SF3A3: variants seen among roughly 807,000 people sequenced by gnomAD.
The protein encoded by SF3A3 is SAP 61.
SF3A3 carries 9 observed loss-of-function variants against 85.8 expected under a neutral mutation model. That is an observed-to-expected ratio of 0.10 (90% CI 0.06 to 0.18). The LOEUF (loss-of-function observed/expected upper bound fraction) is 0.18, where lower values mean the gene tolerates loss of function less well. SF3A3 is among the 10% of genes least tolerant of loss of function. SF3A3 has a pLI of 1.00. For synonymous variants in SF3A3, 195 were observed against 204.4 expected (o/e 0.95, Z 0.39); for missense variants, 306 against 593.3 (o/e 0.52, Z 5.03).
intron 15 of SF3A3, among the ~76,000 whole-genome samples, chr1:37,963,726 T>G (rs1272420048): frequency 6.6e-6 from 1 of 151,268 alleles, no homozygotes; most frequent in African/African-American, 2.4e-5. Context: ...CCGACTAATT[T>G]TTTGTATTTT....
chr1:37,979,903 C>A (rs918877482), intron 8 of SF3A3, among the ~76,000 whole-genome samples: 18 of 152,150 alleles, frequency 1.2e-4, no homozygotes, highest in Middle Eastern at 3.4e-3. Context: ...AACAAAAAAA[C>A]CCCACCAGGT....
chr1:37,971,016 G>A (rs1646341407), intron 12 of SF3A3, among the ~76,000 whole-genome samples: 1 of 151,450 alleles, frequency 6.6e-6, no homozygotes. Context: ...CAGAGGAGAA[G>A]TGAAGGAGAC....
rs141181040 is a variant in SF3A3 at position 37,959,890 on chromosome 1, G to A, written c.1428+230C>T. Among the ~76,000 whole-genome samples the A allele has an allele frequency of 2.2e-3, 334 of 151,200 alleles. 1 individual carries two copies. Among genetic ancestry groups the A allele is most frequent in the African/African-American group, 7.6e-3 (313 of 41,134 alleles). On this transcript the variant is annotated intron_variant, in intron 16 of 16. Transcript: ENST00000373019. Reference sequence around the variant, plus strand: ...GGAGAATTGCTGGAACCCAGGAGGCGGAAGTTGCAGTGAGCTGACATTGCA... The same window carrying A: ...GGAGAATTGCTGGAACCCAGGAGGCAGAAGTTGCAGTGAGCTGACATTGCA...
chr1:37,989,980 G>C lies in SF3A3; in HGVS notation c.-15C>G. 3 of 1,598,424 alleles carry C rather than the reference G, an allele frequency of 1.9e-6. No homozygotes were observed. Among genetic ancestry groups the C allele is most frequent in the Non-Finnish European group, 2.6e-6 (3 of 1,171,058 alleles). ...ATTGTCTCCATCTTCCCTTAGTCGC[G>C]GCTTCTCAATTCAGACCACCAACAC... On this transcript the variant is annotated 5_prime_UTR_variant, in exon 1 of 17. Transcript: ENST00000373019.
At chr1:37,958,772 G>GA (rs760685657) in intron 16 of SF3A3, among the ~76,000 whole-genome samples, 28 of 151,832 alleles carry the variant, frequency 1.8e-4, no homozygotes, top group Non-Finnish European at 3.2e-4. Context: ...CTGCCAAAAA[G>GA]AAAAAAAATA....
chr1:37,957,650 C>T lies in SF3A3; in HGVS notation c.*536G>A, dbSNP rs114403802. On this transcript the variant is annotated 3_prime_UTR_variant, in exon 17 of 17. Coordinates refer to ENST00000373019, the MANE Select transcript of SF3A3 (RefSeq NM_006802.4). ...CCCAGCTCCAACTCCTTTCTTTATG[C>T]AAATACAAAAGGCAAACCTTGGTGC... 0.034 allele frequency: 5,209 copies of T among 152,504 alleles called. 293 individuals carry two copies. The highest frequency in any genetic ancestry group is 0.12 in the African/African-American group (4,937 of 41,390). 9.4% of individuals were successfully genotyped at this position (152,504 alleles called of 1,614,324 possible). A position where few individuals can be genotyped will look rare whatever the true frequency, so the allele number is the denominator to read the frequency against.
intron 5 of SF3A3, 75 bp from the exon 6 acceptor site, chr1:37,984,335 T>TACAG: frequency 1.2e-6 from 1 of 840,226 alleles, no homozygotes; most frequent in South Asian, 1.5e-5. Flanking sequence ...AAATGGACTG[T>TACAG]GTGTTCCTAG....
chr1:37,964,259 C>G (rs968403270), intron 15 of SF3A3, among the ~76,000 whole-genome samples: 6 of 152,014 alleles, frequency 3.9e-5, no homozygotes, highest in African/African-American at 4.8e-5. Flanking sequence ...AATGACTAAC[C>G]CTTAAAAAAT....
At chr1:37,975,479 G>A (rs1312725984) in intron 12 of SF3A3, among the ~76,000 whole-genome samples, 7 of 151,550 alleles carry the variant, frequency 4.6e-5, no homozygotes, top group Non-Finnish European at 1.0e-4. Flanking sequence ...TCCCGCCACT[G>A]CACTCCAGCC....
In SF3A3 at chr1:37,980,607, A is replaced by T. The variant is rs773579813; in HGVS notation, c.669T>A (p.Asn223Lys). The T allele has an allele frequency of 7.4e-6, 12 of 1,613,894 alleles. No homozygotes were observed. In the Admixed American group the frequency reaches 1.3e-4, roughly 18 times the overall value. ...IQAEFEKKWENGTFPGWPKET... is the reference protein window; with the variant it reads ...IQAEFEKKWEKGTFPGWPKET... ...TCACCGGCCATCCAGGAAAGGTCCC[A>T]TTCTCCCATTTCTTCTCAAACTCAG... The change falls in exon 8 of 17, where the codon AAT becomes AAA. Residue 223 changes from asparagine to lysine, a missense_variant. By Grantham distance (94) the Asn-to-Lys change is moderately conservative. Coordinates refer to ENST00000373019, the MANE Select transcript of SF3A3 (RefSeq NM_006802.4).
At chr1:37,976,169 AAAC>A (rs1255211214) in intron 12 of SF3A3, among the ~76,000 whole-genome samples, 1 of 151,836 alleles carries the variant, frequency 6.6e-6, no homozygotes. Context: ...AAAAAAAAAA[AAAC>A]TGTACACAGC....
intron 12 of SF3A3, among the ~76,000 whole-genome samples, chr1:37,970,488 A>T (rs1646331366): frequency 6.6e-6 from 1 of 152,154 alleles, no homozygotes; most frequent in African/African-American, 2.4e-5. Flanking sequence ...AATTGAACTC[A>T]GCTCTGCACC....
chr1:37,977,077 T>C (rs1489848257), intron 11 of SF3A3, 124 bp from the exon 12 acceptor site: 4 of 712,128 alleles, frequency 5.6e-6, no homozygotes, highest in Non-Finnish European at 9.9e-6. Context: ...AATACGATGC[T>C]ATGAAAGCAA....
intron 15 of SF3A3, among the ~76,000 whole-genome samples, chr1:37,965,206 C>T (rs890223525): frequency 3.4e-5 from 5 of 146,848 alleles, no homozygotes; most frequent in Non-Finnish European, 7.4e-5. Context: ...TGCCTCATGC[C>T]TATAATCCCA....
intron 2 of SF3A3, among the ~76,000 whole-genome samples, chr1:37,988,879 G>GTA (rs67489095): frequency 0.015 from 2,230 of 144,384 alleles, 58 homozygotes; most frequent in African/African-American, 0.056. Flanking sequence ...GTGTGTGTGT[G>GTA]TATATATATA....
chr1:37,963,730 G>A (rs2148715375), intron 15 of SF3A3, among the ~76,000 whole-genome samples: 1 of 151,128 alleles, frequency 6.6e-6, no homozygotes, highest in East Asian at 2.0e-4. Context: ...CTAATTTTTT[G>A]TATTTTTAGT....
intron 15 of SF3A3, among the ~76,000 whole-genome samples, chr1:37,963,087 C>CAA (rs112449841): frequency 1.3e-4 from 15 of 116,174 alleles, no homozygotes; most frequent in African/African-American, 3.1e-4. Flanking sequence ...GACTCCGTCT[C>CAA]AAAAAAAAAA....
At chr1:37,963,465 C>G (rs1646276374) in intron 15 of SF3A3, among the ~76,000 whole-genome samples, 1 of 151,900 alleles carries the variant, frequency 6.6e-6, no homozygotes, top group Admixed American at 6.6e-5. Context: ...GTGGCAATAA[C>G]AACATTCATA....
At chr1:37,971,671 C>T (rs980770795) in intron 12 of SF3A3, among the ~76,000 whole-genome samples, 2 of 152,210 alleles carry the variant, frequency 1.3e-5, no homozygotes, top group African/African-American at 4.8e-5. Context: ...ATCAAGTTGG[C>T]TTCATCCCTG....
Sources: allele counts gnomAD v4.1 joint callset (sites outside exome capture counted in the v4.1 genomes callset), GRCh38; gene constraint gnomAD v4.1.1; transcripts MANE v1.5; gene names NCBI Gene and HGNC (gene_info 2026-07-23, HGNC 2026-07-21).